Variants in NEK11 observed in about 807,000 individuals in gnomAD.
NEK11 encodes serine/threonine-protein kinase Nek11.
Under a neutral mutation model 80.7 loss-of-function variants are expected in NEK11, and 72 were observed. That is an observed-to-expected ratio of 0.89 (90% CI 0.74 to 1.08). The LOEUF (loss-of-function observed/expected upper bound fraction) is 1.08, where lower values mean the gene tolerates loss of function less well. Among genes scored for constraint, NEK11 ranks in the 50% least tolerant of loss-of-function variants. The probability of loss-of-function intolerance (pLI) is 0.00; values close to 1 mark genes in which losing one functional copy is unlikely to be tolerated. For missense variants in NEK11, 764 were observed against 763.6 expected (o/e 1.00, Z -0.01); for synonymous variants, 251 against 260.7 (o/e 0.96, Z 0.36).
At chr3:131,239,640 T>C (rs1001164539) in intron 15 of NEK11, among the ~76,000 whole-genome samples, 7 of 152,162 alleles carry the variant, frequency 4.6e-5, no homozygotes, top group African/African-American at 1.7e-4. Context: ...GGGTGCTAGA[T>C]GTAGACAGAT....
chr3:131,306,168 T>C (rs1204021747), intron 17 of NEK11, among the ~76,000 whole-genome samples: 3 of 152,206 alleles, frequency 2.0e-5, no homozygotes, highest in Non-Finnish European at 4.4e-5. Context: ...AGCATAATCA[T>C]AGTTGTTTTA....
intron 17 of NEK11, among the ~76,000 whole-genome samples, chr3:131,281,601 C>A (rs955491309): frequency 6.6e-6 from 1 of 152,080 alleles, no homozygotes; most frequent in African/African-American, 2.4e-5. Flanking sequence ...TGTTTTATTG[C>A]CAATGTATCT....
chr3:131,095,838 T>C (rs1369611016), intron 4 of NEK11, among the ~76,000 whole-genome samples: 1 of 152,198 alleles, frequency 6.6e-6, no homozygotes, highest in Non-Finnish European at 1.5e-5. Context: ...AATTTAATGC[T>C]TGATTTTGAG....
chr3:131,051,799 AT>A (rs1409278756), intron 3 of NEK11, among the ~76,000 whole-genome samples: 8 of 152,150 alleles, frequency 5.3e-5, no homozygotes, highest in Admixed American at 6.5e-5. Flanking sequence ...CAGAGTAGTT[AT>A]GCCCTGCTTC....
chr3:131,252,572 C>T (rs1471333418), intron 16 of NEK11, among the ~76,000 whole-genome samples: 2 of 152,086 alleles, frequency 1.3e-5, no homozygotes, highest in Non-Finnish European at 2.9e-5. Flanking sequence ...ATTTGTGTGG[C>T]TTCAGGAGAT....
chr3:131,240,191 G>A (rs1320952225), intron 15 of NEK11, among the ~76,000 whole-genome samples: 1 of 152,046 alleles, frequency 6.6e-6, no homozygotes, highest in East Asian at 1.9e-4. Context: ...CCTTCCTCTG[G>A]CTCCTTTCTC....
intron 4 of NEK11, among the ~76,000 whole-genome samples, chr3:131,102,017 G>T (rs1018405818): frequency 6.6e-6 from 1 of 151,998 alleles, no homozygotes. Context: ...TAAAATCTGG[G>T]TTATTTTATA....
At chr3:131,335,051 C>T (rs1247933783) in intron 17 of NEK11, among the ~76,000 whole-genome samples, 1 of 152,208 alleles carries the variant, frequency 6.6e-6, no homozygotes, top group Non-Finnish European at 1.5e-5. Context: ...CAAGGAGGAA[C>T]TGGTGCCATT....
At chr3:131,082,803 C>A (rs2075457903) in intron 4 of NEK11, among the ~76,000 whole-genome samples, 1 of 152,114 alleles carries the variant, frequency 6.6e-6, no homozygotes, top group South Asian at 2.1e-4. Flanking sequence ...TGTTATTTTT[C>A]CACATTTGCT....
chr3:131,333,700 A>T (rs559860854), intron 17 of NEK11, among the ~76,000 whole-genome samples: 27 of 152,338 alleles, frequency 1.8e-4, no homozygotes, highest in Non-Finnish European at 3.5e-4. Flanking sequence ...AAGACCCATC[A>T]GTGTGCTGTA....
intron 7 of NEK11, among the ~76,000 whole-genome samples, chr3:131,136,136 C>T (rs73873804): frequency 0.05 from 7,659 of 152,062 alleles, 610 homozygotes; most frequent in African/African-American, 0.17. Context: ...ATTAGGTTAG[C>T]TCTCCTTGCA....
At chr3:131,186,661 A>G (rs946343230) in intron 14 of NEK11, among the ~76,000 whole-genome samples, 4 of 152,158 alleles carry the variant, frequency 2.6e-5, no homozygotes, top group African/African-American at 9.7e-5. Context: ...TAAGTACATT[A>G]TGAGTGTAAA....
At chr3:131,193,355 G>A (rs1307815078) in intron 14 of NEK11, among the ~76,000 whole-genome samples, 1 of 152,172 alleles carries the variant, frequency 6.6e-6, no homozygotes, top group African/African-American at 2.4e-5. Context: ...GGTATTGTTA[G>A]AGTTTGGACT....
At chr3:131,234,832 T>C (rs1332123287) in intron 15 of NEK11, among the ~76,000 whole-genome samples, 1 of 152,098 alleles carries the variant, frequency 6.6e-6, no homozygotes, top group Non-Finnish European at 1.5e-5. Context: ...ATTCTTTTTT[T>C]TTCTTCTGGC....
chr3:131,028,605 C>T (rs972874559), intron 2 of NEK11, among the ~76,000 whole-genome samples: 2 of 151,130 alleles, frequency 1.3e-5, no homozygotes, highest in African/African-American at 2.4e-5. Context: ...CTTACTCTGT[C>T]GCCCAGGCTG....
intron 17 of NEK11, among the ~76,000 whole-genome samples, chr3:131,292,751 G>T (rs1443760324): frequency 6.6e-6 from 1 of 151,932 alleles, no homozygotes; most frequent in Non-Finnish European, 1.5e-5. Context: ...CATTTTTTTA[G>T]TTCTTCTTTG....
chr3:131,172,449 G>A (rs1375719974), intron 14 of NEK11, among the ~76,000 whole-genome samples: 1 of 152,254 alleles, frequency 6.6e-6, no homozygotes, highest in Non-Finnish European at 1.5e-5. Context: ...TCCTTCAGCT[G>A]TATGGAGACA....
At chr3:131,108,660 A>C (rs1453590507) in intron 4 of NEK11, among the ~76,000 whole-genome samples, 1 of 152,060 alleles carries the variant, frequency 6.6e-6, no homozygotes, top group Non-Finnish European at 1.5e-5. Flanking sequence ...GATGTTTGTC[A>C]TTTTTGATCA....
chr3:131,107,687 C>T (rs1368645793), intron 4 of NEK11, among the ~76,000 whole-genome samples: 4 of 85,906 alleles, frequency 4.7e-5, no homozygotes, highest in Non-Finnish European at 1.0e-4. Flanking sequence ...ATTGTATTTC[C>T]AATATGTGTT....
Sources: allele counts gnomAD v4.1 joint callset (sites outside exome capture counted in the v4.1 genomes callset), GRCh38; gene constraint gnomAD v4.1.1; transcripts MANE v1.5; gene names NCBI Gene and HGNC (gene_info 2026-07-23, HGNC 2026-07-21).